ZNF610: variants seen among roughly 807,000 people sequenced by gnomAD.
The protein encoded by ZNF610 is zinc finger protein 610.
Under a neutral mutation model 14.1 loss-of-function variants are expected in ZNF610, and 14 were observed. The observed-to-expected ratio is 0.99, with a 90% CI of 0.65 to 1.55. The LOEUF (loss-of-function observed/expected upper bound fraction) is 1.55. Among genes scored for constraint, ZNF610 ranks in the 40% most tolerant of loss-of-function variants. The pLI is 0.00. For missense variants in ZNF610, 530 were observed against 558.0 expected (o/e 0.95, Z 0.51); for synonymous variants, 185 against 187.6 (o/e 0.99, Z 0.11).
At chr19:52,350,955 G>A (rs1985221302) in intron 3 of ZNF610, among the ~76,000 whole-genome samples, 2 of 152,186 alleles carry the variant, frequency 1.3e-5, no homozygotes, top group South Asian at 4.1e-4. Context: ...AGCCAAGATC[G>A]CACCATTGCA....
At chr19:52,358,665 C>T (rs778443482) in intron 5 of ZNF610, among the ~76,000 whole-genome samples, 3 of 152,098 alleles carry the variant, frequency 2.0e-5, no homozygotes, top group Admixed American at 1.3e-4. Flanking sequence ...TGTGGTAGTA[C>T]ATTTTATGTA....
In ZNF610 at chr19:52,353,620, C is replaced by T. The variant is rs1568650799; in HGVS notation, c.64-62C>T. 6 of 1,570,682 alleles carry T rather than the reference C, an allele frequency of 3.8e-6. No individual in the cohort carries two copies. In the East Asian group the frequency reaches 9.1e-5, roughly 24 times the overall value. ...TAGCTTAATATTCAAAAATGTTTATCAACTAAATTGAGTACAATTTCTACA... is the reference window on the plus strand; with the variant it reads ...TAGCTTAATATTCAAAAATGTTTATTAACTAAATTGAGTACAATTTCTACA... On this transcript the variant is annotated intron_variant, in intron 3 of 5. Coordinates refer to ENST00000403906, the MANE Select transcript of ZNF610 (RefSeq NM_001161425.2).
chr19:52,349,196 G>C lies in ZNF610; in HGVS notation c.24G>C (p.Gln8His), dbSNP rs752915064. Residue 8 changes from glutamine (Q) to histidine (H), a missense_variant, in exon 3 of 6, where the codon CAG becomes CAC. Transcript: ENST00000403906. ...TCATGCTATGTGATGAAGAAGCCCA[G>C]AAGAGGAAAGCAAAGGAGTCAGGGA... Reference protein sequence around the residue: MLCDEEAQKRKAKESGMA... With the variant: MLCDEEAHKRKAKESGMA... 6.2e-7 allele frequency: 1 copy of C among 1,613,608 alleles called. No homozygotes were observed. The highest frequency in any genetic ancestry group is 2.2e-5 in the East Asian group (1 of 44,852).
At chr19:52,357,531 G>C (rs1177371419) in intron 5 of ZNF610, among the ~76,000 whole-genome samples, 1 of 150,410 alleles carries the variant, frequency 6.6e-6, no homozygotes, top group Non-Finnish European at 1.5e-5. Flanking sequence ...TGTAGTCCCA[G>C]CTACTTGGGA....
chr19:52,359,625 G>A (rs555029539), intron 5 of ZNF610, among the ~76,000 whole-genome samples: 6 of 152,142 alleles, frequency 3.9e-5, no homozygotes, highest in Admixed American at 2.0e-4. Context: ...CTGCTCTCAC[G>A]CCACCACAAC....
Position 52,363,111 on chromosome 19 carries a change from T to C in ZNF610, c.320-2587T>C, listed in dbSNP as rs1985858897. On this transcript the variant is annotated intron_variant, in intron 5 of 5. Coordinates refer to ENST00000403906, the MANE Select transcript of ZNF610 (RefSeq NM_001161425.2). ...AAAGCCGAGAGACAGAACCCCCTTC[T>C]CTTTGGTTCTATCCCCTTTTTTTTT... Among the ~76,000 whole-genome samples, 4 of 151,016 alleles carry C rather than the reference T, an allele frequency of 2.6e-5. No individual in the cohort carries two copies. The South Asian group carries it at 6.3e-4, about 24-fold the overall frequency.
chr19:52,337,660 A>G (rs1449711234), intron 1 of ZNF610, among the ~76,000 whole-genome samples: 2 of 152,186 alleles, frequency 1.3e-5, no homozygotes, highest in African/African-American at 2.4e-5. Context: ...ATGACAAAAG[A>G]GGGGGAACCT....
Position 52,365,719 on chromosome 19 carries a change from G to A in ZNF610, c.341G>A (p.Ser114Asn), listed in dbSNP as rs61734960. 323 of 1,609,518 alleles carry A rather than the reference G, an allele frequency of 2.0e-4. 3 individuals are homozygous for A. The African/African-American group carries it at 3.5e-3, about 17-fold the overall frequency. ...CTAGGGAGGAGCTGTGTATTGGGAA[G>A]CAATGCAGAAAACAAGCCTATTAAA... is the stretch of plus-strand genomic sequence containing the variant. ...VNTGRSCVLG[S>N]NAENKPIKNQ... Residue 114 changes from serine (S) to asparagine (N), a missense_variant, in exon 6 of 6, where the codon AGC becomes AAC. Physicochemically the swap from Ser to Asn is conservative, Grantham distance 46. Coordinates refer to ENST00000403906, the MANE Select transcript of ZNF610 (RefSeq NM_001161425.2).
rs771214752 is a variant in ZNF610, at chr19:52,366,247, G to T, written c.869G>T (p.Cys290Phe). Residue 290 changes from cysteine to phenylalanine, a missense_variant, in exon 6 of 6, where the codon TGT (cysteine) becomes TTT (phenylalanine). Physicochemically the swap from Cys to Phe is radical, Grantham distance 205. Coordinates refer to ENST00000403906, the MANE Select transcript of ZNF610 (RefSeq NM_001161425.2). ...RIHTGEKPHK[C>F]NECGKAFREC... is the part of the protein sequence containing the mutation. ...CATACTGGAGAGAAGCCTCACAAAT[G>T]TAACGAATGTGGCAAAGCTTTTAGA... 5 of 1,613,242 alleles carry T rather than the reference G, an allele frequency of 3.1e-6. No individual in the cohort carries two copies. The African/African-American group carries it at 6.7e-5, about 22-fold the overall frequency.
Position 52,339,534 on chromosome 19 carries a change from T to C in ZNF610, c.-258+3028T>C, listed in dbSNP as rs112026668. 2.3e-3 allele frequency among the ~76,000 whole-genome samples: 334 copies of C among 146,382 alleles called. 1 individual carries two copies. The highest frequency in any genetic ancestry group is 9.1e-3 in the African/African-American group (328 of 36,154). On this transcript the variant is annotated intron_variant, in intron 1 of 5. Transcript: ENST00000403906. ...AAGCGCTTTTTAACAAAGCACATCC[T>C]GCACAGCCCTAAATCCATTAAACCT... is the stretch of plus-strand genomic sequence containing the variant.
Position 52,366,060 on chromosome 19 carries a change from G to C in ZNF610, c.682G>C (p.Ala228Pro). 2 of 1,614,006 alleles carry C rather than the reference G, an allele frequency of 1.2e-6. No individual in the cohort carries two copies. The highest frequency in any genetic ancestry group is 1.7e-6 in the Non-Finnish European group (2 of 1,179,994). Residue 228 changes from alanine to proline, a missense_variant, in exon 6 of 6, where the codon GCA becomes CCA. By Grantham distance (27) the Ala-to-Pro change is conservative. Transcript: ENST00000403906. ...TACTAACCATCAAGTAATCCATACT[G>C]CAGAGAAACCTTACAAATGTACTGA... ...SLTNHQVIHT[A>P]EKPYKCTECG...
Position 52,349,211 on chromosome 19 carries a change from G to C in ZNF610, c.39G>C (p.Lys13Asn), listed in dbSNP as rs1225176959. The C allele has an allele frequency of 3.1e-6, 5 of 1,613,372 alleles. No individual in the cohort carries two copies. The highest frequency in any genetic ancestry group is 4.2e-6 in the Non-Finnish European group (5 of 1,179,950). ...AAGAAGCCCAGAAGAGGAAAGCAAA[G>C]GAGTCAGGGATGGCTCTTCCTCAGG... ...CDEEAQKRKAKESGMALPQGR... is the reference protein window; with the variant it reads ...CDEEAQKRKANESGMALPQGR... The change falls in exon 3 of 6, where the codon AAG (lysine) becomes AAC (asparagine). Residue 13 changes from lysine (K) to asparagine (N), a missense_variant. Coordinates refer to ENST00000403906, the MANE Select transcript of ZNF610 (RefSeq NM_001161425.2).
intron 5 of ZNF610, among the ~76,000 whole-genome samples, chr19:52,363,918 G>T (rs1303064732): frequency 1.3e-5 from 2 of 151,924 alleles, no homozygotes; most frequent in Non-Finnish European, 2.9e-5. Context: ...AGATTTTTTT[G>T]TCCTTCATTT....
chr19:52,337,470 T>G (rs1032120699), intron 1 of ZNF610, among the ~76,000 whole-genome samples: 1 of 148,814 alleles, frequency 6.7e-6, no homozygotes, highest in Admixed American at 6.7e-5. Flanking sequence ...TAAAACAAAT[T>G]GCCAGAATGG....
rs1343994531 is a variant in ZNF610 at position 52,346,311 on chromosome 19, T to C, written c.-257-1396T>C. On this transcript the variant is annotated intron_variant, in intron 1 of 5. Coordinates refer to ENST00000403906, the MANE Select transcript of ZNF610 (RefSeq NM_001161425.2). The stretch of plus-strand genomic sequence containing the variant: ...TCCTGAGTAGCTGGGATTACAGGCA[T>C]GCGCCACCATGCCCAGCTAATTTTT... Among the ~76,000 whole-genome samples the C allele has an allele frequency of 1.3e-5, 2 of 150,902 alleles. 1 individual carries two copies. Among genetic ancestry groups the C allele is most frequent in the African/African-American group, 4.9e-5 (2 of 40,478 alleles).
chr19:52,330,488 A>T, the ZNF610 span: 2 of 152,306 alleles, frequency 1.3e-5, no homozygotes, highest in South Asian at 4.1e-4. Context: ...CTTTAGCAAA[A>T]TTGCAGTGCA....
At chr19:52,363,855 C>T (rs1216388619) in intron 5 of ZNF610, among the ~76,000 whole-genome samples, 1 of 152,142 alleles carries the variant, frequency 6.6e-6, no homozygotes, top group Non-Finnish European at 1.5e-5. Context: ...ATAGAGAAGG[C>T]CTTAATAGTG....
At chr19:52,349,744 T>C (rs1259197316) in intron 3 of ZNF610, among the ~76,000 whole-genome samples, 9 of 152,050 alleles carry the variant, frequency 5.9e-5, no homozygotes, top group Non-Finnish European at 4.4e-5. Context: ...TAATTTTTTG[T>C]ATTTTTAGTA....
At position 52,354,386 on chromosome 19, in the gene ZNF610, G is replaced by C. The variant is rs1182267764; in HGVS notation, c.319+7G>C. The C allele has an allele frequency of 6.2e-7, 1 of 1,613,514 alleles. No homozygotes were observed. The highest frequency in any genetic ancestry group is 8.5e-7 in the Non-Finnish European group (1 of 1,179,848). On this transcript the variant is annotated splice_region_variant and intron_variant, in intron 5 of 5. Coordinates refer to ENST00000403906, the MANE Select transcript of ZNF610 (RefSeq NM_001161425.2). ...GTCAGAAGCGTGAACACAGGTAAGAGCTCTGATGGGCAGTGTGGAGGCCAT... is the reference window on the plus strand; with the variant it reads ...GTCAGAAGCGTGAACACAGGTAAGACCTCTGATGGGCAGTGTGGAGGCCAT...
Sources: allele counts gnomAD v4.1 joint callset (sites outside exome capture counted in the v4.1 genomes callset), GRCh38; gene constraint gnomAD v4.1.1; transcripts MANE v1.5; gene names NCBI Gene and HGNC (gene_info 2026-07-23, HGNC 2026-07-21).